The following TANC1 variants were observed in gnomAD, a reference collection of about 807,000 sequenced individuals.
TANC1 encodes the protein protein TANC1.
In TANC1, 77 loss-of-function variants were observed where a neutral mutation model predicts 149.7. That is an observed-to-expected ratio of 0.51 (90% CI 0.43 to 0.62). The LOEUF (loss-of-function observed/expected upper bound fraction) is 0.62, where lower values mean the gene tolerates loss of function less well. TANC1 is among the 20% of genes least tolerant of loss of function. The probability of loss-of-function intolerance (pLI) is 0.00; values close to 1 mark genes in which losing one functional copy is unlikely to be tolerated. For synonymous variants in TANC1, 854 were observed against 925.0 expected (o/e 0.92, Z 1.39); for missense variants, 1,985 against 2,321.8 (o/e 0.85, Z 2.98).
At chr2:159,137,287 A>G (rs2050862586) in intron 5 of TANC1, among the ~76,000 whole-genome samples, 1 of 152,164 alleles carries the variant, frequency 6.6e-6, no homozygotes, top group South Asian at 2.1e-4. Flanking sequence ...GGAAGACAAT[A>G]TACTGGAGTG....
intron 13 of TANC1, 22 bp from the exon 14 acceptor site, chr2:159,178,534 G>A (rs1406202590): frequency 6.5e-6 from 10 of 1,536,958 alleles, no homozygotes; most frequent in Non-Finnish European, 8.7e-6. Flanking sequence ...GTGACACTGT[G>A]GGTTTTTGTT....
chr2:159,095,339 T>A (rs2045984241), intron 3 of TANC1, among the ~76,000 whole-genome samples: 1 of 152,162 alleles, frequency 6.6e-6, no homozygotes, highest in Non-Finnish European at 1.5e-5. Context: ...ATAAAAACCG[T>A]CCATGCATAG....
rs528293690 is a variant in TANC1, at chr2:159,042,292, G to A, written c.-15-23604G>A. Among the ~76,000 whole-genome samples the A allele has an allele frequency of 1.2e-4, 18 of 152,154 alleles. 1 individual carries two copies. Among genetic ancestry groups the A allele is most frequent in the African/African-American group, 1.7e-4 (7 of 41,442 alleles). ...CCCAAACGTGACTGCACATGATCCC[G>A]TTCTTTCTGGCAGTGAAGCCCGGCA... On this transcript the variant is annotated intron_variant, in intron 2 of 26. Transcript: ENST00000263635.
intron 4 of TANC1, among the ~76,000 whole-genome samples, chr2:159,108,616 A>G (rs774688817): frequency 2.0e-5 from 3 of 152,240 alleles, no homozygotes; most frequent in Non-Finnish European, 4.4e-5. Flanking sequence ...ACTAGTGTAA[A>G]GCAGAAATAA....
At chr2:159,032,612 C>T (rs543330069) in intron 2 of TANC1, among the ~76,000 whole-genome samples, 6 of 152,204 alleles carry the variant, frequency 3.9e-5, no homozygotes, top group African/African-American at 1.2e-4. Flanking sequence ...TCCTGTCAGT[C>T]GCAGCTTCTC....
At chr2:159,107,018 TTTTGTTTG>T (rs138006157) in intron 4 of TANC1, among the ~76,000 whole-genome samples, 2 of 151,910 alleles carry the variant, frequency 1.3e-5, no homozygotes, top group Admixed American at 6.6e-5. Flanking sequence ...CTTTTTTGTT[TTTTGTTTG>T]TTTGTTTGTT....
intron 1 of TANC1, among the ~76,000 whole-genome samples, chr2:158,977,120 T>C (rs904712280): frequency 1.3e-5 from 2 of 152,054 alleles, no homozygotes; most frequent in Non-Finnish European, 2.9e-5. Flanking sequence ...ATTCCTGAGC[T>C]TCAATACGTT....
intron 9 of TANC1, among the ~76,000 whole-genome samples, 173 bp downstream of exon 9, chr2:159,169,545 G>C (rs2054962545): frequency 6.6e-6 from 1 of 152,058 alleles, no homozygotes; most frequent in South Asian, 2.1e-4. Flanking sequence ...AACAGTTTGG[G>C]GCTTCTTCCT....
At position 159,111,964 on chromosome 2, in the gene TANC1, G is replaced by C. The variant is rs529716201; in HGVS notation, c.259+14130G>C. Reference sequence around the variant, plus strand: ...AGTGTTAACATTTGATACAGAAATTGTATGTCTTGAAGTGAGACGTACAAA... The same window carrying C: ...AGTGTTAACATTTGATACAGAAATTCTATGTCTTGAAGTGAGACGTACAAA... On this transcript the variant is annotated intron_variant, in intron 4 of 26. Transcript: ENST00000263635. Among the ~76,000 whole-genome samples, 5 of 151,064 alleles carry C rather than the reference G, an allele frequency of 3.3e-5. No individual in the cohort carries two copies. The East Asian group carries it at 7.7e-4, about 23-fold the overall frequency.
In TANC1 at chr2:159,224,268, C is replaced by T; in HGVS notation, c.3715C>T (p.His1239Tyr). Residue 1239 changes from histidine to tyrosine, a missense_variant, in exon 23 of 27, where the codon CAT (histidine) becomes TAT (tyrosine). His to Tyr is a moderately conservative substitution (Grantham distance 83). This residue lies in a region of TANC1 where 920 missense variants were observed against 994.7 expected (regional missense o/e 0.92). Transcript: ENST00000263635. ...GGTGGAGAAGGGAGCCGTGATCGAG[C>T]ATGTGGACCACAGCGGGATGCGGCC... is the stretch of plus-strand genomic sequence containing the variant. ...YLVEKGAVIE[H>Y]VDHSGMRPLD... 1 of 1,614,188 alleles carries T rather than the reference C, an allele frequency of 6.2e-7. No individual in the cohort carries two copies. The highest frequency in any genetic ancestry group is 8.5e-7 in the Non-Finnish European group (1 of 1,180,038).
chr2:159,025,189 T>TTTCCTTTCTTTCTTTCTTTCTTTC (rs1553519914), intron 2 of TANC1, among the ~76,000 whole-genome samples: 1 of 105,222 alleles, frequency 9.5e-6, no homozygotes, highest in Non-Finnish European at 1.9e-5. Context: ...TTTTTCTTTC[T>TTTCCTTTCTTTCTTTCTTTCTTTC]TTTCTTTCTT....
Position 159,230,632 on chromosome 2 carries a change from C to G in TANC1, c.5206C>G (p.Gln1736Glu). 8 of 1,614,198 alleles carry G rather than the reference C, an allele frequency of 5.0e-6. No homozygotes were observed. Among genetic ancestry groups the G allele is most frequent in the Admixed American group, 1.7e-5 (1 of 60,028 alleles). ...GGATAAGACTGCGAGGTTCCAACAG[C>G]AGAGCAATCCTCCAAGCCGCAGCTG... is the stretch of plus-strand genomic sequence containing the variant. ...IMDKTARFQQQSNPPSRSWHC... is the reference protein window; with the variant it reads ...IMDKTARFQQESNPPSRSWHC... The change falls in exon 27 of 27, where the codon CAG becomes GAG. Residue 1736 changes from glutamine to glutamate, a missense_variant. By Grantham distance (29) the Gln-to-Glu change is conservative. Transcript: ENST00000263635. This position sits in a 1 kb window ranked among gnomAD's most constrained non-coding sequence, Gnocchi z 4.4.
At chr2:159,169,516 G>A in intron 9 of TANC1, 144 bp downstream of exon 9, 3 of 773,868 alleles carry the variant, frequency 3.9e-6, no homozygotes, top group Non-Finnish European at 6.1e-6. Context: ...TCTGTGAGGT[G>A]TGCTAAGAGG....
intron 2 of TANC1, among the ~76,000 whole-genome samples, chr2:159,049,300 A>G (rs1559171958): frequency 6.6e-6 from 1 of 152,236 alleles, no homozygotes. Context: ...GACTCACAGT[A>G]GGTCCTTGGC....
At chr2:159,043,555 TGCGTGCTTTAGTGCACTCTTTTGAA>T (rs2040818102) in intron 2 of TANC1, among the ~76,000 whole-genome samples, 1 of 152,222 alleles carries the variant, frequency 6.6e-6, no homozygotes. Context: ...ACTAATAACA[TGCGTGCTTTAGTGCACTCTTTTGAA>T]GCTTTCCTAA....
In TANC1 at chr2:159,175,175, C is replaced by T. The variant is rs779588486; in HGVS notation, c.1726C>T (p.Leu576=). 4.3e-6 allele frequency: 7 copies of T among 1,613,578 alleles called. No individual in the cohort carries two copies. Among genetic ancestry groups the T allele is most frequent in the South Asian group, 3.3e-5 (3 of 91,066 alleles). ...KRGVLEPLTN[L]RNEQKIPEEE... ...GGGAGTGCTGGAGCCACTCACAAAC[C>T]TGAGAAATGGTACTTCGCAGCAGCT... Residue 576 remains leucine, a synonymous_variant, in exon 12 of 27, where the codon CTG becomes TTG. Transcript: ENST00000263635.
chr2:159,067,275 A>T lies in TANC1; in HGVS notation c.61+1304A>T, dbSNP rs2042753832. Among the ~76,000 whole-genome samples, 4 of 152,198 alleles carry T rather than the reference A, an allele frequency of 2.6e-5. No individual in the cohort carries two copies. The South Asian group carries it at 8.3e-4, about 32-fold the overall frequency. ...ATTTTTATTGCTAATTATCCCTTAA[A>T]CCAAGTCTGCAAAATGACAAACTCA... On this transcript the variant is annotated intron_variant, in intron 3 of 26. Transcript: ENST00000263635.
At chr2:159,044,410 C>T (rs2040883362) in intron 2 of TANC1, among the ~76,000 whole-genome samples, 1 of 152,096 alleles carries the variant, frequency 6.6e-6, no homozygotes, top group African/African-American at 2.4e-5. Context: ...TGTACTCCAG[C>T]CTGGGTGACA....
intron 2 of TANC1, among the ~76,000 whole-genome samples, chr2:159,028,051 A>G (rs1403944421): frequency 6.6e-6 from 1 of 152,120 alleles, no homozygotes; most frequent in African/African-American, 2.4e-5. Flanking sequence ...TCCACTCCAC[A>G]TATGAATTTG....
Sources: gnomAD v4.1 joint callset for allele counts (sites outside exome capture counted in the v4.1 genomes callset) on GRCh38, gnomAD v4.1.1 for gene constraint, gnomAD v4.1.1 regional missense constraint, Gnocchi (gnomAD v3.1) non-coding constraint, MANE v1.5 for transcripts, NCBI Gene and HGNC (gene_info 2026-07-23, HGNC 2026-07-21) for gene names.